Variants in IDO2 observed in about 807,000 individuals in gnomAD.
IDO2 encodes indoleamine 2,3-dioxygenase 2.
IDO2 carries 46 observed loss-of-function variants against 45.1 expected under a neutral mutation model. The observed-to-expected ratio is 1.02, with a 90% CI of 0.80 to 1.30. The LOEUF (loss-of-function observed/expected upper bound fraction) is 1.30. IDO2 is among the 50% of genes most tolerant of loss of function. The pLI, the probability that IDO2 is intolerant of heterozygous loss-of-function variation, is 0.00. For missense variants in IDO2, 544 were observed against 491.8 expected (o/e 1.11, Z -1.00); for synonymous variants, 218 against 184.9 (o/e 1.18, Z -1.45).
At chr8:39,937,374 A>G (rs1353732722) in intron 1 of IDO2, among the ~76,000 whole-genome samples, 1 of 152,202 alleles carries the variant, frequency 6.6e-6, no homozygotes, top group Non-Finnish European at 1.5e-5. Context: ...TCTAATCAAA[A>G]TTCTAGTTTT....
In IDO2 at chr8:39,945,641, G is replaced by A. The variant is rs550500407; in HGVS notation, c.-17-3508G>A. Among the ~76,000 whole-genome samples, 6 of 152,298 alleles carry A rather than the reference G, an allele frequency of 3.9e-5. No homozygotes were observed. In the South Asian group the frequency reaches 6.2e-4, roughly 16 times the overall value. On this transcript the variant is annotated intron_variant, in intron 1 of 10. Coordinates refer to ENST00000502986, the Ensembl canonical transcript of IDO2. ...AGAGAATTACCTACAAGGGTATAACGAGGAGTGTCTGACATTCCATCTAGT... is the reference window on the plus strand; with the variant it reads ...AGAGAATTACCTACAAGGGTATAACAAGGAGTGTCTGACATTCCATCTAGT...
chr8:39,962,962 TC>T (rs1172821328), intron 2 of IDO2, among the ~76,000 whole-genome samples: 5 of 152,262 alleles, frequency 3.3e-5, no homozygotes, highest in African/African-American at 1.2e-4. Context: ...GGGGAAGTTC[TC>T]CCTCTGGGTC....
chr8:39,964,531 T>C (rs1360129128), intron 3 of IDO2, among the ~76,000 whole-genome samples: 7 of 152,226 alleles, frequency 4.6e-5, no homozygotes, highest in African/African-American at 1.7e-4. Context: ...TGAAAAGTTT[T>C]CCGCTCTCCA....
At chr8:39,984,985 G>T in intron 5 of IDO2, 1 of 408,812 alleles carries the variant, frequency 2.4e-6, no homozygotes, top group Non-Finnish European at 4.8e-6. Context: ...AGGCTGGAGT[G>T]CAGTGGCATG....
At chr8:39,964,661 C>G (rs1241052707) in intron 3 of IDO2, among the ~76,000 whole-genome samples, 1 of 152,178 alleles carries the variant, frequency 6.6e-6, no homozygotes, top group African/African-American at 2.4e-5. Context: ...GAGTAAGGGA[C>G]TGGCTTCAAT....
intron 8 of IDO2, among the ~76,000 whole-genome samples, chr8:40,002,387 T>G (rs533336666): frequency 1.5e-4 from 23 of 152,330 alleles, no homozygotes; most frequent in African/African-American, 5.1e-4. Flanking sequence ...TTCCTCATTT[T>G]CAAGCAGAGC....
At chr8:39,960,018 A>G (rs892564664) in intron 2 of IDO2, among the ~76,000 whole-genome samples, 5 of 152,106 alleles carry the variant, frequency 3.3e-5, no homozygotes, top group African/African-American at 1.2e-4. Context: ...AGGATGTTGG[A>G]TGTACCCAAG....
intron 2 of IDO2, among the ~76,000 whole-genome samples, chr8:39,959,905 G>C (rs1244893568): frequency 6.6e-6 from 1 of 152,194 alleles, no homozygotes; most frequent in Non-Finnish European, 1.5e-5. Context: ...CTTGAACCCA[G>C]GAGGCAGAGG....
chr8:39,982,236 GTATATA>G (rs10612525), intron 4 of IDO2, among the ~76,000 whole-genome samples: 1 of 139,624 alleles, frequency 7.2e-6, no homozygotes, highest in Admixed American at 7.5e-5. Context: ...ATATATGTGT[GTATATA>G]TATATATATA....
rs1036806179 is a variant in IDO2, at chr8:39,970,182, A to G, written c.195+6479A>G. On this transcript the variant is annotated intron_variant, in intron 3 of 10. Coordinates refer to ENST00000502986, the Ensembl canonical transcript of IDO2. Reference sequence around the variant, plus strand: ...AGGCCCTAATTCTCTTCAATTCTACAAAGTCTGAGAGGGCTGAAGAAGCTG... The same window carrying G: ...AGGCCCTAATTCTCTTCAATTCTACGAAGTCTGAGAGGGCTGAAGAAGCTG... Among the ~76,000 whole-genome samples, 3 of 152,228 alleles carry G rather than the reference A, an allele frequency of 2.0e-5. No individual in the cohort carries two copies. The South Asian group carries it at 6.2e-4, about 31-fold the overall frequency.
chr8:39,959,382 G>T (rs1237683734), intron 2 of IDO2, among the ~76,000 whole-genome samples: 1 of 87,156 alleles, frequency 1.1e-5, no homozygotes, highest in Non-Finnish European at 2.7e-5. Context: ...CCAAAGTGCT[G>T]GGATTACAGG....
chr8:39,971,563 A>C (rs1420700997), intron 3 of IDO2, among the ~76,000 whole-genome samples: 1 of 152,198 alleles, frequency 6.6e-6, no homozygotes, highest in Non-Finnish European at 1.5e-5. Flanking sequence ...GGGCAAAGTC[A>C]AATGGAAACC....
intron 3 of IDO2, among the ~76,000 whole-genome samples, chr8:39,977,859 T>C (rs990443388): frequency 2.0e-5 from 3 of 152,234 alleles, no homozygotes; most frequent in African/African-American, 7.2e-5. Context: ...GTACATGAGA[T>C]GTTTTGATAC....
intron 8 of IDO2, among the ~76,000 whole-genome samples, chr8:40,002,975 C>T (rs1471590523): frequency 6.6e-6 from 1 of 152,122 alleles, no homozygotes; most frequent in Non-Finnish European, 1.5e-5. Context: ...TAAACCACCT[C>T]AAATCATTTC....
intron 8 of IDO2, among the ~76,000 whole-genome samples, chr8:39,996,571 C>T (rs2129595043): frequency 6.6e-6 from 1 of 152,182 alleles, no homozygotes; most frequent in East Asian, 1.9e-4. Flanking sequence ...TCCCCCGGGC[C>T]CAGCCGTCTT....
Position 39,995,466 on chromosome 8 carries a change from G to A in IDO2, c.667+5628G>A, listed in dbSNP as rs189629102. ...CGGATAATTTTTTGTATTTTTACTAGGGATGGGGTTTCACCATGTTGGCCA... is the reference window on the plus strand; with the variant it reads ...CGGATAATTTTTTGTATTTTTACTAAGGATGGGGTTTCACCATGTTGGCCA... On this transcript the variant is annotated intron_variant, in intron 8 of 10. Transcript: ENST00000502986. Among the ~76,000 whole-genome samples the A allele has an allele frequency of 4.6e-5, 7 of 151,556 alleles. No homozygotes were observed. The East Asian group carries it at 7.8e-4, about 17-fold the overall frequency.
chr8:39,996,073 TAAAA>T (rs59691325), intron 8 of IDO2, among the ~76,000 whole-genome samples: 4 of 141,624 alleles, frequency 2.8e-5, no homozygotes, highest in African/African-American at 2.6e-5. Context: ...TACCTAAGAG[TAAAA>T]AAAAAAAAAA....
exon 11 of IDO2, chr8:40,015,756 C>A: frequency 1.6e-6 from 1 of 620,130 alleles, no homozygotes; most frequent in Non-Finnish European, 2.8e-6. Flanking sequence ...TTGTTGAGAG[C>A]TGTTGGCTTC....
At chr8:39,982,242 A>G (rs935669437) in intron 4 of IDO2, among the ~76,000 whole-genome samples, 2 of 122,072 alleles carry the variant, frequency 1.6e-5, no homozygotes, top group African/African-American at 5.3e-5. Context: ...GTGTGTATAT[A>G]TATATATATA....
Sources: allele counts gnomAD v4.1 joint callset (sites outside exome capture counted in the v4.1 genomes callset), GRCh38; gene constraint gnomAD v4.1.1; transcripts MANE v1.5; gene names NCBI Gene and HGNC (gene_info 2026-07-23, HGNC 2026-07-21).